The following BCAS3 variants were observed in gnomAD, a reference collection of about 807,000 sequenced individuals.
The protein encoded by BCAS3 is BCAS4/BCAS3 fusion.
Under a neutral mutation model 116.1 loss-of-function variants are expected in BCAS3, and 53 were observed. The ratio of observed to expected loss-of-function variants is 0.46; its 90% CI spans 0.37 to 0.57. BCAS3 has a LOEUF of 0.57. BCAS3 is among the 20% of genes least tolerant of loss of function. BCAS3 has a pLI of 0.00. For missense variants in BCAS3, 917 were observed against 1,165.4 expected, an observed-to-expected ratio of 0.79 and a Z score of 3.10; for synonymous variants, 391 against 408.2, an observed-to-expected ratio of 0.96 and a Z score of 0.51.
intron 22 of BCAS3, among the ~76,000 whole-genome samples, chr17:61,191,546 C>T (rs1049720985): frequency 1.3e-5 from 2 of 151,974 alleles, no homozygotes; most frequent in South Asian, 2.1e-4. Flanking sequence ...GAGTCCGAGG[C>T]GGGCGGATCA....
intron 22 of BCAS3, among the ~76,000 whole-genome samples, chr17:61,164,948 C>T (rs996711725): frequency 3.9e-5 from 6 of 152,138 alleles, no homozygotes; most frequent in South Asian, 2.1e-4. Context: ...TTTCCTGGTC[C>T]GTTATGGAAA....
chr17:61,191,647 C>T (rs533203265), intron 22 of BCAS3, among the ~76,000 whole-genome samples: 25 of 151,764 alleles, frequency 1.6e-4, no homozygotes, highest in Non-Finnish European at 3.1e-4. Flanking sequence ...TGGTGACGGG[C>T]GCCTATAGTC....
rs1426528090 is a variant in BCAS3, at chr17:61,012,946, G to A, written c.1487-2805G>A. 6.6e-6 allele frequency among the ~76,000 whole-genome samples: 1 copy of A among 151,918 alleles called. No individual in the cohort carries two copies. The highest frequency in any genetic ancestry group is 1.5e-5 in the Non-Finnish European group (1 of 67,936). On this transcript the variant is annotated intron_variant, in intron 15 of 23. Coordinates refer to ENST00000407086, the MANE Select transcript of BCAS3 (RefSeq NM_017679.5). This position sits in a 1 kb window ranked among gnomAD's most constrained non-coding sequence, Gnocchi z 4.5. ...CCTACTCCTCTGGCTCAATTGAGAG[G>A]TCCTCCTAAAACTGAAATATTTTAT...
intron 22 of BCAS3, among the ~76,000 whole-genome samples, chr17:61,201,412 A>G (rs77174124): frequency 0.013 from 2,014 of 152,376 alleles, 46 homozygotes; most frequent in African/African-American, 0.045. Context: ...CACTGGAAAA[A>G]GGATCCAAGA....
chr17:60,965,624 GT>G (rs2061620063), intron 14 of BCAS3, among the ~76,000 whole-genome samples: 1 of 152,222 alleles, frequency 6.6e-6, no homozygotes, highest in Admixed American at 6.5e-5. Flanking sequence ...TCAGGAGCAT[GT>G]TTTTTAATTT....
At chr17:61,094,038 G>C (rs1057494266) in intron 22 of BCAS3, among the ~76,000 whole-genome samples, 1 of 152,100 alleles carries the variant, frequency 6.6e-6, no homozygotes, top group Non-Finnish European at 1.5e-5. Context: ...TTCTACTGTG[G>C]TGAAATTTAG....
rs2055540875 is a variant in BCAS3, at chr17:61,324,169, CT to C, written c.2426-44157del. On this transcript the variant is annotated intron_variant, in intron 22 of 23. Coordinates refer to ENST00000407086, the MANE Select transcript of BCAS3 (RefSeq NM_017679.5). The surrounding 1 kb of genome is among the most constrained non-coding windows in gnomAD (Gnocchi z 4.6). ...CTCCAGAGGCAGGGACCCCATCCTT[CT>C]GATTCTCTGTATCCCCAGTGCCAGA... Among the ~76,000 whole-genome samples the C allele has an allele frequency of 6.6e-6, 1 of 152,242 alleles. No individual in the cohort carries two copies. The highest frequency in any genetic ancestry group is 1.5e-5 in the Non-Finnish European group (1 of 68,042).
chr17:60,791,316 A>G (rs1272626988), intron 6 of BCAS3, among the ~76,000 whole-genome samples: 1 of 152,162 alleles, frequency 6.6e-6, no homozygotes, highest in Non-Finnish European at 1.5e-5. Flanking sequence ...ATTAGACCTC[A>G]TTATTTTTGG....
At position 61,081,954 on chromosome 17, in the gene BCAS3, C is replaced by T. The variant is rs117399151; in HGVS notation, c.2328-2513C>T. 9.9e-5 allele frequency among the ~76,000 whole-genome samples: 15 copies of T among 152,282 alleles called. 1 individual carries two copies. In the East Asian group the frequency reaches 2.9e-3, roughly 29 times the overall value. ...ACACCTAGTACACTGTCCTGTACCC[C>T]ATAGGATACCAATAATAATATGTAG... On this transcript the variant is annotated intron_variant, in intron 21 of 23. Coordinates refer to ENST00000407086, the MANE Select transcript of BCAS3 (RefSeq NM_017679.5).
intron 19 of BCAS3, among the ~76,000 whole-genome samples, chr17:61,044,229 C>T (rs1418610286): frequency 2.6e-5 from 4 of 151,712 alleles, no homozygotes; most frequent in African/African-American, 4.8e-5. Flanking sequence ...CGGCAGATCA[C>T]GAGTTCAGGA....
rs1297645756 is a variant in BCAS3 at position 61,188,372 on chromosome 17, TAAG to T, written c.2425+103812_2425+103814del. Among the ~76,000 whole-genome samples the T allele has an allele frequency of 1.3e-5, 2 of 152,234 alleles. No individual in the cohort carries two copies. The highest frequency in any genetic ancestry group is 1.3e-4 in the Admixed American group (2 of 15,286). ...AAATGTAAAGAGAGTGCTTGTATAA[TAAG>T]AAGTGTGTTCTCCATGGAATTTTTC... On this transcript the variant is annotated intron_variant, in intron 22 of 23. Transcript: ENST00000407086. The surrounding 1 kb of genome is among the most constrained non-coding windows in gnomAD (Gnocchi z 4.0).
In BCAS3 at chr17:61,104,913, T is replaced by C. The variant is rs1376061574; in HGVS notation, c.2425+20349T>C. Among the ~76,000 whole-genome samples the C allele has an allele frequency of 1.3e-5, 2 of 152,204 alleles. 1 individual carries two copies. The highest frequency in any genetic ancestry group is 3.8e-4 in the East Asian group (2 of 5,200). On this transcript the variant is annotated intron_variant, in intron 22 of 23. Transcript: ENST00000407086. This position sits in a 1 kb window ranked among gnomAD's most constrained non-coding sequence, Gnocchi z 4.1. ...CCTGGTAGAAGTAAGTAGTGTCTTT[T>C]GCTAGTGTACCAGGTTGTTTAATAA...
chr17:61,388,805 TC>T lies in BCAS3; in HGVS notation c.2594-3169del. On this transcript the variant is annotated intron_variant, in intron 23 of 23. Transcript: ENST00000407086. The surrounding 1 kb of genome is among the most constrained non-coding windows in gnomAD (Gnocchi z 6.5). ...CTGAGCAGCCCTCCTCCCCTCCACT[TC>T]CCACACACACCCCTGCCTGCAGGGG... 1 of 1,134,048 alleles carries T rather than the reference TC, an allele frequency of 8.8e-7. No individual in the cohort carries two copies. Among genetic ancestry groups the T allele is most frequent in the Non-Finnish European group, 1.3e-6 (1 of 797,286 alleles). The allele number at this position is 1,134,048 out of a possible 1,614,324, so 70.2% of individuals were successfully genotyped here. A position where few individuals can be genotyped will look rare whatever the true frequency, so the allele number is the denominator to read the frequency against.
At chr17:61,076,309 T>G (rs2071981660) in intron 20 of BCAS3, among the ~76,000 whole-genome samples, 1 of 152,188 alleles carries the variant, frequency 6.6e-6, no homozygotes, top group Non-Finnish European at 1.5e-5. Context: ...GTAGTTTCAT[T>G]TCTTTCTCAA....
At chr17:60,944,705 G>GCATATT (rs1359464156) in intron 13 of BCAS3, among the ~76,000 whole-genome samples, 2 of 151,980 alleles carry the variant, frequency 1.3e-5, no homozygotes. Flanking sequence ...AGAATGCAAG[G>GCATATT]CATATTCAAC....
Position 61,144,121 on chromosome 17 carries a change from T to C in BCAS3, c.2425+59557T>C, listed in dbSNP as rs2077070079. ...AGGAGGACAGTTGACTCCTTTCTAC[T>C]CTTTTTTTTGCCGTTGTCCCTATTT... On this transcript the variant is annotated intron_variant, in intron 22 of 23. Coordinates refer to ENST00000407086, the MANE Select transcript of BCAS3 (RefSeq NM_017679.5). This position sits in a 1 kb window ranked among gnomAD's most constrained non-coding sequence, Gnocchi z 5.0. Among the ~76,000 whole-genome samples the C allele has an allele frequency of 2.0e-5, 3 of 152,328 alleles. No individual in the cohort carries two copies. In the South Asian group the frequency reaches 6.2e-4, roughly 32 times the overall value.
At chr17:61,375,732 C>T (rs1170234886) in intron 23 of BCAS3, among the ~76,000 whole-genome samples, 1 of 151,960 alleles carries the variant, frequency 6.6e-6, no homozygotes, top group Non-Finnish European at 1.5e-5. Flanking sequence ...GCCACCATGC[C>T]CAGCTAATTT....
At chr17:60,952,846 T>C (rs2060919860) in intron 14 of BCAS3, among the ~76,000 whole-genome samples, 1 of 152,056 alleles carries the variant, frequency 6.6e-6, no homozygotes. Flanking sequence ...AGCTTCTACT[T>C]ATAAGTGAGA....
intron 6 of BCAS3, among the ~76,000 whole-genome samples, chr17:60,765,227 G>C (rs1236847227): frequency 6.6e-6 from 1 of 152,158 alleles, no homozygotes; most frequent in Non-Finnish European, 1.5e-5. Context: ...ATATGATCCT[G>C]TCATTATGAT....
Sources: gnomAD v4.1 joint callset for allele counts (sites outside exome capture counted in the v4.1 genomes callset) on GRCh38, gnomAD v4.1.1 for gene constraint, Gnocchi (gnomAD v3.1) non-coding constraint, MANE v1.5 for transcripts, NCBI Gene and HGNC (gene_info 2026-07-23, HGNC 2026-07-21) for gene names.